LYPLAL1: variants seen among roughly 807,000 people sequenced by gnomAD.
LYPLAL1 encodes the protein lysophospholipase-like protein 1.
A neutral mutation model predicts 19.7 loss-of-function variants in LYPLAL1; 23 were observed. That is an observed-to-expected ratio of 1.17 (90% CI 0.84 to 1.65). The LOEUF is 1.65. Ranked by LOEUF, LYPLAL1 falls within the 40% of genes most tolerant of loss-of-function variation. The probability of loss-of-function intolerance (pLI) is 0.00; values close to 1 mark genes in which losing one functional copy is unlikely to be tolerated. For missense variants in LYPLAL1, 355 were observed against 279.4 expected (o/e 1.27, Z -1.93); for synonymous variants, 119 against 96.3 (o/e 1.24, Z -1.38).
At chr1:219,330,252 G>A in the LYPLAL1 span, among the ~76,000 whole-genome samples, 1 of 152,160 alleles carries the variant, frequency 6.6e-6, no homozygotes, top group African/African-American at 2.4e-5. Flanking sequence ...ATGTTTCATT[G>A]ACATTACTTT....
At chr1:219,200,422 G>T in intron 3 of LYPLAL1, 1 of 174,890 alleles carries the variant, frequency 5.7e-6, no homozygotes, top group South Asian at 1.4e-4. Context: ...AGGATGGTTT[G>T]AGGTCAGTTC....
intron 2 of LYPLAL1, among the ~76,000 whole-genome samples, chr1:219,191,878 A>T (rs1572176447): frequency 6.6e-6 from 1 of 151,714 alleles, no homozygotes; most frequent in East Asian, 1.9e-4. Context: ...TGTTTATATG[A>T]TTCTATTTGA....
chr1:219,182,994 T>C (rs1216509733), intron 2 of LYPLAL1, among the ~76,000 whole-genome samples: 1 of 152,102 alleles, frequency 6.6e-6, no homozygotes, highest in African/African-American at 2.4e-5. Context: ...TAAGCTTTAT[T>C]AACTTTGGTA....
chr1:219,310,645 G>A, the LYPLAL1 span, among the ~76,000 whole-genome samples: 1 of 152,212 alleles, frequency 6.6e-6, no homozygotes, highest in Non-Finnish European at 1.5e-5. Flanking sequence ...GAATTATAGA[G>A]TAGGGGGGAA....
the LYPLAL1 span, among the ~76,000 whole-genome samples, chr1:219,427,492 C>T: frequency 6.6e-6 from 1 of 152,222 alleles, no homozygotes; most frequent in Non-Finnish European, 1.5e-5. Flanking sequence ...GTAAAATGTA[C>T]TATCTTCACT....
At chr1:219,327,622 C>A in the LYPLAL1 span, among the ~76,000 whole-genome samples, 294 of 152,264 alleles carry the variant, frequency 1.9e-3, 3 homozygotes, top group East Asian at 0.017. Flanking sequence ...TATAATCATT[C>A]CCTAGGAATA....
chr1:219,368,668 A>G, the LYPLAL1 span, among the ~76,000 whole-genome samples: 1 of 152,254 alleles, frequency 6.6e-6, no homozygotes, highest in Admixed American at 6.5e-5. Context: ...AAAATAAAGC[A>G]TAGAATTGAA....
chr1:219,218,272 A>C, the LYPLAL1 span, among the ~76,000 whole-genome samples: 1 of 152,142 alleles, frequency 6.6e-6, no homozygotes, highest in Admixed American at 6.6e-5. Context: ...ATTATTACCA[A>C]GAACATATTT....
chr1:219,224,951 A>C, the LYPLAL1 span, among the ~76,000 whole-genome samples: 3 of 152,140 alleles, frequency 2.0e-5, no homozygotes. Flanking sequence ...CCGATTCTAG[A>C]AACTTGGACC....
At chr1:219,201,608 A>T (rs2125091495) in intron 3 of LYPLAL1, among the ~76,000 whole-genome samples, 1 of 152,162 alleles carries the variant, frequency 6.6e-6, no homozygotes, top group East Asian at 1.9e-4. Context: ...AAGTGGGGGT[A>T]AAAACATTTT....
the LYPLAL1 span, among the ~76,000 whole-genome samples, chr1:219,428,371 T>C: frequency 2.6e-5 from 4 of 152,194 alleles, no homozygotes; most frequent in African/African-American, 4.8e-5. Context: ...AACCGAAAGT[T>C]TGTAAATGTT....
chr1:219,416,603 A>G, the LYPLAL1 span, among the ~76,000 whole-genome samples: 3 of 152,180 alleles, frequency 2.0e-5, no homozygotes, highest in Admixed American at 1.3e-4. Context: ...TTTTAATTGT[A>G]TGCAAATTAA....
chr1:219,405,635 T>C, the LYPLAL1 span, among the ~76,000 whole-genome samples: 2 of 152,212 alleles, frequency 1.3e-5, no homozygotes, highest in Non-Finnish European at 2.9e-5. Flanking sequence ...GACACCATGT[T>C]TTAGATATTA....
At chr1:219,209,904 T>A (rs889882535) in intron 3 of LYPLAL1, among the ~76,000 whole-genome samples, 3 of 152,108 alleles carry the variant, frequency 2.0e-5, no homozygotes, top group African/African-American at 7.2e-5. Context: ...AAAGAGACAA[T>A]AACAGTTTGA....
At chr1:219,438,901 T>C in the LYPLAL1 span, among the ~76,000 whole-genome samples, 1 of 152,344 alleles carries the variant, frequency 6.6e-6, no homozygotes, top group South Asian at 2.1e-4. Flanking sequence ...GGTTAATTTA[T>C]GTTTTACAAT....
the LYPLAL1 span, among the ~76,000 whole-genome samples, chr1:219,242,595 C>T: frequency 6.6e-6 from 1 of 151,960 alleles, no homozygotes; most frequent in Non-Finnish European, 1.5e-5. Context: ...TTAATTATGG[C>T]TTATTATGTC....
chr1:219,335,746 A>G, the LYPLAL1 span, among the ~76,000 whole-genome samples: 1 of 151,852 alleles, frequency 6.6e-6, no homozygotes, highest in South Asian at 2.1e-4. Flanking sequence ...GAACACTTTA[A>G]TGCGCCCAGA....
intron 3 of LYPLAL1, among the ~76,000 whole-genome samples, chr1:219,196,084 G>A (rs1490757738): frequency 1.3e-5 from 2 of 152,114 alleles, no homozygotes; most frequent in Non-Finnish European, 2.9e-5. Context: ...TGTCATTGAT[G>A]GGCGTTTGGA....
the LYPLAL1 span, among the ~76,000 whole-genome samples, chr1:219,377,099 T>A: frequency 6.6e-6 from 1 of 152,196 alleles, no homozygotes; most frequent in South Asian, 2.1e-4. Context: ...CACAGACAGA[T>A]GAGTGGGCAA....
Sources: allele counts gnomAD v4.1 joint callset (sites outside exome capture counted in the v4.1 genomes callset), GRCh38; gene constraint gnomAD v4.1.1; transcripts MANE v1.5; gene names NCBI Gene and HGNC (gene_info 2026-07-23, HGNC 2026-07-21).